The following SUMF1 variants were observed in gnomAD, a reference collection of about 807,000 sequenced individuals.
SUMF1 encodes formylglycine-generating enzyme.
A neutral mutation model predicts 47.6 loss-of-function variants in SUMF1; 48 were observed. The observed-to-expected ratio is 1.01, with a 90% confidence interval of 0.80 to 1.28. The LOEUF is 1.28. SUMF1 is among the 50% of genes most tolerant of loss of function. SUMF1 has a pLI of 0.00. For synonymous variants in SUMF1, 230 were observed against 192.1 expected, an observed-to-expected ratio of 1.20 and a Z score of -1.63; for missense variants, 571 against 485.4, an observed-to-expected ratio of 1.18 and a Z score of -1.66.
At chr3:4,114,294 T>A (rs911116625) in intron 8 of SUMF1, among the ~76,000 whole-genome samples, 1 of 152,066 alleles carries the variant, frequency 6.6e-6, no homozygotes, top group African/African-American at 2.4e-5. Flanking sequence ...ATATTCTCTA[T>A]CACACCCCTA....
chr3:4,230,604 C>T (rs1242800), intron 8 of SUMF1, among the ~76,000 whole-genome samples: 91,289 of 151,888 alleles, frequency 0.6, 28,082 homozygotes, highest in African/African-American at 0.7. Flanking sequence ...GTTCACCAAA[C>T]TGGAAGTTCT....
At chr3:4,173,275 A>T (rs1016407697) in intron 8 of SUMF1, among the ~76,000 whole-genome samples, 3 of 152,206 alleles carry the variant, frequency 2.0e-5, no homozygotes, top group Non-Finnish European at 4.4e-5. Context: ...CTTGTAGTAT[A>T]GTTTGAAGTC....
intron 1 of SUMF1, among the ~76,000 whole-genome samples, chr3:4,466,371 A>G (rs1399564222): frequency 6.6e-6 from 1 of 152,020 alleles, no homozygotes; most frequent in Non-Finnish European, 1.5e-5. Flanking sequence ...CGGCCTCCCA[A>G]AGTGCTGGGA....
At chr3:4,374,749 T>C (rs1700270523) in intron 8 of SUMF1, among the ~76,000 whole-genome samples, 1 of 152,212 alleles carries the variant, frequency 6.6e-6, no homozygotes, top group Admixed American at 6.5e-5. Context: ...AAGATCCAGG[T>C]ACATTTGTAG....
At position 4,139,568 on chromosome 3, in the gene SUMF1, ATG is replaced by A. The variant is rs370162925; in HGVS notation, c.1015-70825_1015-70824del. The stretch of plus-strand genomic sequence containing the variant: ...ATGTATAATAAACTTATATATATGC[ATG>A]TGTGTGTGTGTATATATATACACAC... On this transcript the variant is annotated intron_variant and NMD_transcript_variant, in intron 8 of 12. Transcript: ENST00000448413. 1.9e-4 allele frequency among the ~76,000 whole-genome samples: 29 copies of A among 150,282 alleles called. 1 individual carries two copies. Among genetic ancestry groups the A allele is most frequent in the African/African-American group, 6.8e-4 (28 of 41,050 alleles).
chr3:4,231,698 C>T (rs1473572704), intron 8 of SUMF1, among the ~76,000 whole-genome samples: 1 of 152,066 alleles, frequency 6.6e-6, no homozygotes. Context: ...AACACATAGC[C>T]CTTCATGTTG....
chr3:4,452,152 A>G (rs966542877), intron 2 of SUMF1, among the ~76,000 whole-genome samples: 1 of 151,904 alleles, frequency 6.6e-6, no homozygotes, highest in African/African-American at 2.4e-5. Context: ...AAGAATAGGG[A>G]CCCCACGAAC....
intron 7 of SUMF1, among the ~76,000 whole-genome samples, chr3:4,394,884 A>T (rs1380634726): frequency 6.6e-6 from 1 of 152,210 alleles, no homozygotes; most frequent in Non-Finnish European, 1.5e-5. Context: ...CATCAGAGAC[A>T]CAGCCTCTGC....
intron 8 of SUMF1, among the ~76,000 whole-genome samples, chr3:4,319,921 G>A (rs1414510972): frequency 6.6e-6 from 1 of 152,250 alleles, no homozygotes; most frequent in African/African-American, 2.4e-5. Flanking sequence ...CATACTATAT[G>A]AGTCCAACTA....
At chr3:4,448,038 T>TA (rs960497614) in intron 3 of SUMF1, among the ~76,000 whole-genome samples, 7 of 131,812 alleles carry the variant, frequency 5.3e-5, no homozygotes, top group East Asian at 2.1e-4. Flanking sequence ...CAAAGCCCTT[T>TA]AAAAAAAAAA....
intron 7 of SUMF1, among the ~76,000 whole-genome samples, chr3:4,387,718 C>T (rs77090910): frequency 0.082 from 12,423 of 151,986 alleles, 797 homozygotes; most frequent in African/African-American, 0.18. Flanking sequence ...TGCAGTTCTG[C>T]AAATTTCCCT....
chr3:4,461,224 T>C (rs2633836), intron 1 of SUMF1, among the ~76,000 whole-genome samples: 53,667 of 152,070 alleles, frequency 0.35, 9,581 homozygotes, highest in Non-Finnish European at 0.39. Flanking sequence ...CTAACAGATG[T>C]AGGTCAAGGA....
intron 8 of SUMF1, among the ~76,000 whole-genome samples, chr3:4,117,333 TACA>T (rs1400195777): frequency 3.3e-5 from 5 of 152,030 alleles, no homozygotes; most frequent in South Asian, 4.2e-4. Context: ...AGTTACAGAA[TACA>T]ACAAGTGTAA....
chr3:4,254,757 C>A (rs1696903919), intron 8 of SUMF1, among the ~76,000 whole-genome samples: 1 of 149,172 alleles, frequency 6.7e-6, no homozygotes, highest in African/African-American at 2.5e-5. Flanking sequence ...TCAGGAAATA[C>A]AGAGAACGCC....
chr3:4,365,434 C>G (rs534449899), intron 8 of SUMF1, among the ~76,000 whole-genome samples: 3 of 124,158 alleles, frequency 2.4e-5, no homozygotes, highest in Admixed American at 1.5e-4. Context: ...GGATAGTTAG[C>G]TCTTGTTGTT....
At chr3:4,351,624 C>T (rs116121813) in intron 8 of SUMF1, among the ~76,000 whole-genome samples, 197 of 152,222 alleles carry the variant, frequency 1.3e-3, no homozygotes, top group African/African-American at 4.3e-3. Context: ...CCTTCTTCCA[C>T]GCCGCCCCTA....
chr3:4,282,722 A>AGAG, intron 8 of SUMF1, among the ~76,000 whole-genome samples: 1 of 152,288 alleles, frequency 6.6e-6, no homozygotes, highest in East Asian at 1.9e-4. Flanking sequence ...TGAAACTTAA[A>AGAG]AGTCATAAAA....
At chr3:4,190,876 C>T (rs114547923) in intron 8 of SUMF1, among the ~76,000 whole-genome samples, 3,299 of 152,156 alleles carry the variant, frequency 0.022, 110 homozygotes, top group African/African-American at 0.075. Context: ...CTACTATGTC[C>T]CCACTATAAT....
In SUMF1 at chr3:4,222,147, C is replaced by G. The variant is rs151246862; in HGVS notation, c.1015-153402G>C. On this transcript the variant is annotated intron_variant and NMD_transcript_variant, in intron 8 of 12. Transcript: ENST00000448413. ...AACTGGAAGAGCATGTACCAAAATA[C>G]TAGTAGCAGTTATCTTTGGTGGGAT... 4.0e-3 allele frequency among the ~76,000 whole-genome samples: 612 copies of G among 152,158 alleles called. 4 individuals carry two copies. The highest frequency in any genetic ancestry group is 0.014 in the African/African-American group (585 of 41,526).
Sources: gnomAD v4.1 joint callset for allele counts (sites outside exome capture counted in the v4.1 genomes callset) on GRCh38, gnomAD v4.1.1 for gene constraint, MANE v1.5 for transcripts, NCBI Gene and HGNC (gene_info 2026-07-23, HGNC 2026-07-21) for gene names.